Variants in PDLIM1 observed in about 807,000 individuals in gnomAD.
PDLIM1 encodes the protein PDZ and LIM domain protein 1.
PDLIM1 carries 25 observed loss-of-function variants against 35.2 expected under a neutral mutation model. The ratio of observed to expected loss-of-function variants is 0.71; its 90% CI spans 0.52 to 0.99. The LOEUF (loss-of-function observed/expected upper bound fraction) is 0.99. PDLIM1 is among the 50% of genes least tolerant of loss of function. The pLI is 0.00. For missense variants in PDLIM1, 363 were observed against 415.3 expected, an observed-to-expected ratio of 0.87 and a Z score of 1.09; for synonymous variants, 152 against 154.0, an observed-to-expected ratio of 0.99 and a Z score of 0.10.
intron 1 of PDLIM1, among the ~76,000 whole-genome samples, chr10:95,275,106 G>A (rs2035499804): frequency 6.6e-6 from 1 of 152,112 alleles, no homozygotes; most frequent in Non-Finnish European, 1.5e-5. Flanking sequence ...TTGGCCTTTT[G>A]CGATGTCCTT....
chr10:95,259,819 C>G (rs1041307489), intron 4 of PDLIM1, among the ~76,000 whole-genome samples: 3 of 152,172 alleles, frequency 2.0e-5, no homozygotes, highest in Non-Finnish European at 4.4e-5. Flanking sequence ...GGGGCAACAC[C>G]TTACAACACA....
intron 1 of PDLIM1, among the ~76,000 whole-genome samples, chr10:95,280,687 G>A (rs977187332): frequency 6.6e-6 from 1 of 151,264 alleles, no homozygotes; most frequent in African/African-American, 2.4e-5. Context: ...TTTTTGCTTT[G>A]TTTTATTTTT....
At chr10:95,241,753 C>A (rs2035180193) in intron 5 of PDLIM1, among the ~76,000 whole-genome samples, 1 of 152,188 alleles carries the variant, frequency 6.6e-6, no homozygotes. Flanking sequence ...GAGGTATTGC[C>A]TCTGCCATGA....
chr10:95,253,011 A>T (rs1221636575), intron 4 of PDLIM1, among the ~76,000 whole-genome samples: 4 of 152,176 alleles, frequency 2.6e-5, no homozygotes, highest in African/African-American at 9.7e-5. Flanking sequence ...ATTTGGCAAA[A>T]GACATAAAGA....
chr10:95,275,793 A>G (rs1362537174), intron 1 of PDLIM1, among the ~76,000 whole-genome samples: 1 of 152,174 alleles, frequency 6.6e-6, no homozygotes, highest in African/African-American at 2.4e-5. Flanking sequence ...TCTGCTAAGT[A>G]TATCCCAACA....
At chr10:95,279,636 CAG>C (rs2035543432) in intron 1 of PDLIM1, among the ~76,000 whole-genome samples, 1 of 152,176 alleles carries the variant, frequency 6.6e-6, no homozygotes, top group South Asian at 2.1e-4. Flanking sequence ...TGGGCTGAGT[CAG>C]AGTTTACTGT....
chr10:95,276,742 G>C (rs1368495371), intron 1 of PDLIM1, among the ~76,000 whole-genome samples: 1 of 152,056 alleles, frequency 6.6e-6, no homozygotes, highest in African/African-American at 2.4e-5. Context: ...GGGTTAAGCA[G>C]TTTGCCTGAG....
chr10:95,264,281 CT>C (rs2035393620), intron 3 of PDLIM1, among the ~76,000 whole-genome samples: 1 of 152,160 alleles, frequency 6.6e-6, no homozygotes. Context: ...TTCACACCCC[CT>C]GAATCATCTC....
intron 3 of PDLIM1, 56 bp downstream of exon 3, chr10:95,268,722 A>G (rs2035436326): frequency 8.8e-7 from 1 of 1,130,254 alleles, no homozygotes; most frequent in Non-Finnish European, 1.4e-6. Context: ...GAGCAGTGTC[A>G]GAAACGGCAA....
At chr10:95,241,746 G>A (rs2035180145) in intron 5 of PDLIM1, among the ~76,000 whole-genome samples, 1 of 152,158 alleles carries the variant, frequency 6.6e-6, no homozygotes. Context: ...TCCCACAGAG[G>A]TATTGCCTCT....
At position 95,247,271 on chromosome 10, in the gene PDLIM1, G is replaced by A. The variant is rs764398321; in HGVS notation, c.629C>T (p.Pro210Leu). The A allele has an allele frequency of 4.6e-5, 75 of 1,613,920 alleles. No homozygotes were observed. Among genetic ancestry groups the A allele is most frequent in the African/African-American group, 4.4e-4 (33 of 74,896 alleles). ...AACCAAGAAAGACGTGGACTGTTTC[G>A]GGGGCTCATTCAACTCCTGTTTCTC... Reference protein sequence around the residue: ...LQEKQELNEPPKQSTSFLVLQ... With the variant: ...LQEKQELNEPLKQSTSFLVLQ... Residue 210 changes from proline to leucine, a missense_variant, in exon 5 of 7, where the codon CCG becomes CTG. Transcript: ENST00000329399.
chr10:95,268,919 A>C, intron 2 of PDLIM1, 57 bp from the exon 3 acceptor site: 1 of 1,263,636 alleles, frequency 7.9e-7, no homozygotes, highest in Non-Finnish European at 1.2e-6. Flanking sequence ...AATATATACC[A>C]AAGACAAACT....
At chr10:95,285,839 CTTAGAA>C (rs1310187131) in intron 1 of PDLIM1, among the ~76,000 whole-genome samples, 1 of 152,154 alleles carries the variant, frequency 6.6e-6, no homozygotes, top group Non-Finnish European at 1.5e-5. Flanking sequence ...ATATTATGGT[CTTAGAA>C]TGGTGCCTGG....
intron 5 of PDLIM1, among the ~76,000 whole-genome samples, chr10:95,245,687 G>C (rs978119668): frequency 1.8e-4 from 27 of 152,282 alleles, no homozygotes; most frequent in Non-Finnish European, 1.8e-4. Context: ...CAGCTGCTCA[G>C]CTACTCCAAG....
chr10:95,245,590 G>C (rs2035212380), intron 5 of PDLIM1, among the ~76,000 whole-genome samples: 1 of 152,162 alleles, frequency 6.6e-6, no homozygotes, highest in Admixed American at 6.5e-5. Context: ...TTTTTACAAA[G>C]CTATCATCCT....
At chr10:95,282,449 T>G (rs1382433165) in intron 1 of PDLIM1, among the ~76,000 whole-genome samples, 2 of 152,178 alleles carry the variant, frequency 1.3e-5, no homozygotes, top group Non-Finnish European at 1.5e-5. Context: ...GGCAATAAAA[T>G]AGGGTAGATG....
chr10:95,252,462 A>G lies in PDLIM1; in HGVS notation c.534-5096T>C, dbSNP rs2035275736. Among the ~76,000 whole-genome samples, 4 of 152,254 alleles carry G rather than the reference A, an allele frequency of 2.6e-5. No homozygotes were observed. In the South Asian group the frequency reaches 6.2e-4, roughly 24 times the overall value. ...AATACAGAAGGTTTTAATGCGATCC[A>G]GAATCTAATAACATAGTAACAAGAA... On this transcript the variant is annotated intron_variant, in intron 4 of 6. Coordinates refer to ENST00000329399, the MANE Select transcript of PDLIM1 (RefSeq NM_020992.4).
intron 6 of PDLIM1, 69 bp from the exon 7 acceptor site, chr10:95,238,180 G>T: frequency 7.2e-7 from 1 of 1,386,504 alleles, no homozygotes; most frequent in Non-Finnish European, 1.0e-6. Flanking sequence ...TGAGCAGGTG[G>T]CACCATCCTT....
chr10:95,246,538 A>C (rs2035222963), intron 5 of PDLIM1, among the ~76,000 whole-genome samples: 1 of 152,190 alleles, frequency 6.6e-6, no homozygotes, highest in Non-Finnish European at 1.5e-5. Context: ...CACAATAACT[A>C]TGAAGCGAGT....
Sources: allele counts gnomAD v4.1 joint callset (sites outside exome capture counted in the v4.1 genomes callset), GRCh38; gene constraint gnomAD v4.1.1; transcripts MANE v1.5; gene names NCBI Gene and HGNC (gene_info 2026-07-23, HGNC 2026-07-21).